Variants in PTPRD observed in about 807,000 individuals in gnomAD.
PTPRD encodes protein tyrosine phosphatase receptor type D.
In PTPRD, 34 loss-of-function variants were observed where a neutral mutation model predicts 214.5. That is an observed-to-expected ratio of 0.16 (90% CI 0.12 to 0.21). The LOEUF is 0.21. Among genes scored for constraint, PTPRD ranks in the 10% least tolerant of loss-of-function variants. The pLI, the probability that PTPRD is intolerant of heterozygous loss-of-function variation, is 1.00. For synonymous variants in PTPRD, 1,128 were observed against 845.7 expected (o/e 1.33, Z -5.79); for missense variants, 2,545 against 2,398.7 (o/e 1.06, Z -1.27).
chr9:9,108,924 AT>A (rs1388896321), intron 10 of PTPRD, among the ~76,000 whole-genome samples: 1 of 152,152 alleles, frequency 6.6e-6, no homozygotes, highest in African/African-American at 2.4e-5. Context: ...ATTAACTGGC[AT>A]TTCCACTTAG....
intron 2 of PTPRD, among the ~76,000 whole-genome samples, chr9:10,528,268 C>A (rs1243196291): frequency 6.6e-6 from 1 of 152,138 alleles, no homozygotes; most frequent in Non-Finnish European, 1.5e-5. Flanking sequence ...CAAGTTCTAC[C>A]ACAGACCTGC....
chr9:10,162,137 T>C (rs2099130997), intron 3 of PTPRD, among the ~76,000 whole-genome samples: 1 of 151,600 alleles, frequency 6.6e-6, no homozygotes, highest in Admixed American at 6.6e-5. Flanking sequence ...GTATGAAGGT[T>C]CCTCAATAAA....
chr9:9,431,518 T>G (rs147155246), intron 8 of PTPRD, among the ~76,000 whole-genome samples: 2,124 of 152,188 alleles, frequency 0.014, 22 homozygotes, highest in Non-Finnish European at 0.022. Context: ...GATCTACAAC[T>G]AGAAATACCA....
At chr9:9,934,889 G>C (rs767676276) in intron 5 of PTPRD, among the ~76,000 whole-genome samples, 1 of 152,054 alleles carries the variant, frequency 6.6e-6, no homozygotes, top group Non-Finnish European at 1.5e-5. Flanking sequence ...TGATCAAGAG[G>C]GCTTCATCCC....
chr9:8,648,275 G>C (rs541083644), intron 12 of PTPRD, among the ~76,000 whole-genome samples: 1 of 152,188 alleles, frequency 6.6e-6, no homozygotes, highest in Non-Finnish European at 1.5e-5. Flanking sequence ...ACAGTCATGG[G>C]ATATTATGAC....
intron 2 of PTPRD, among the ~76,000 whole-genome samples, chr9:10,409,390 A>G (rs141599316): frequency 1.1e-4 from 17 of 151,872 alleles, no homozygotes; most frequent in African/African-American, 2.7e-4. Context: ...TTAATCCTTC[A>G]TATTATGGTC....
chr9:9,167,467 A>T (rs1261018627), intron 10 of PTPRD, among the ~76,000 whole-genome samples: 1 of 151,996 alleles, frequency 6.6e-6, no homozygotes, highest in African/African-American at 2.4e-5. Context: ...TTAAAAAAAT[A>T]AGGAGGGCTG....
At chr9:8,656,548 T>C (rs185163105) in intron 12 of PTPRD, among the ~76,000 whole-genome samples, 65 of 152,292 alleles carry the variant, frequency 4.3e-4, no homozygotes, top group Non-Finnish European at 3.1e-4. Flanking sequence ...CACACTGGCA[T>C]GGTCAAATAC....
intron 11 of PTPRD, among the ~76,000 whole-genome samples, chr9:8,948,590 C>A (rs1395841150): frequency 2.7e-5 from 3 of 112,666 alleles, no homozygotes; most frequent in African/African-American, 1.0e-4. Flanking sequence ...CACACACACA[C>A]AATGAAACGA....
intron 9 of PTPRD, among the ~76,000 whole-genome samples, chr9:9,188,836 GT>G (rs1366270885): frequency 1.3e-5 from 2 of 148,658 alleles, no homozygotes; most frequent in Non-Finnish European, 3.0e-5. Context: ...GTGTGTGTGT[GT>G]GTGTGTTGTG....
chr9:10,041,144 A>C (rs978998690), intron 3 of PTPRD, among the ~76,000 whole-genome samples: 8 of 152,080 alleles, frequency 5.3e-5, no homozygotes, highest in African/African-American at 1.9e-4. Flanking sequence ...ATTATGCAGT[A>C]GTGAAAGAAA....
intron 5 of PTPRD, among the ~76,000 whole-genome samples, chr9:9,935,397 T>C (rs1300060939): frequency 6.6e-6 from 1 of 152,218 alleles, no homozygotes; most frequent in East Asian, 1.9e-4. Flanking sequence ...ACAAAATCAA[T>C]GTACAAAAAT....
At chr9:10,282,358 C>G (rs1228604928) in intron 3 of PTPRD, among the ~76,000 whole-genome samples, 3 of 152,088 alleles carry the variant, frequency 2.0e-5, no homozygotes. Flanking sequence ...TGGACTATGA[C>G]TAAAATAGGT....
At chr9:9,298,583 T>G (rs80265066) in intron 9 of PTPRD, among the ~76,000 whole-genome samples, 2,809 of 151,812 alleles carry the variant, frequency 0.019, 82 homozygotes, top group African/African-American at 0.063. Flanking sequence ...GAACTTGAAG[T>G]GTTTTGCAAT....
At chr9:8,370,453 G>A (rs941944104) in intron 39 of PTPRD, among the ~76,000 whole-genome samples, 1 of 151,984 alleles carries the variant, frequency 6.6e-6, no homozygotes, top group Admixed American at 6.6e-5. Context: ...CTCCCTGTGC[G>A]GAATGCTCTT....
At chr9:8,771,624 T>C (rs779612938) in intron 11 of PTPRD, among the ~76,000 whole-genome samples, 11 of 152,238 alleles carry the variant, frequency 7.2e-5, no homozygotes, top group Non-Finnish European at 1.6e-4. Flanking sequence ...AGGTATTGGA[T>C]GTTTGTTTTA....
Position 8,465,629 on chromosome 9 carries a change from C to G in PTPRD, c.3551G>C (p.Arg1184Thr). 6.2e-7 allele frequency: 1 copy of G among 1,612,346 alleles called. No individual in the cohort carries two copies. The highest frequency in any genetic ancestry group is 8.5e-7 in the Non-Finnish European group (1 of 1,178,884). Residue 1184 changes from arginine (R) to threonine (T), a missense_variant, in exon 32 of 46, where the codon AGA becomes ACA. Transcript: ENST00000381196. Reference sequence around the variant, plus strand: ...AATATATGGCTTTAATTCAACTTCTCTCCCATAACGGATGCTTCTGCGCTT... The same window carrying G: ...AATATATGGCTTTAATTCAACTTCTGTCCCATAACGGATGCTTCTGCGCTT... ...SRKRRSIRYGREVELKPYIAA... is the reference protein window; with the variant it reads ...SRKRRSIRYGTEVELKPYIAA...
At chr9:9,665,681 T>C (rs983625201) in intron 7 of PTPRD, among the ~76,000 whole-genome samples, 7 of 151,804 alleles carry the variant, frequency 4.6e-5, no homozygotes, top group African/African-American at 1.4e-4. Flanking sequence ...ATACTCAGAA[T>C]AGTTCTATTT....
intron 9 of PTPRD, among the ~76,000 whole-genome samples, chr9:9,248,416 A>C (rs74406954): frequency 0.019 from 2,835 of 152,158 alleles, 56 homozygotes; most frequent in Non-Finnish European, 0.024. Context: ...TTTTAACATC[A>C]AAGTTGCATT....
Sources: allele counts gnomAD v4.1 joint callset (sites outside exome capture counted in the v4.1 genomes callset), GRCh38; gene constraint gnomAD v4.1.1; transcripts MANE v1.5; gene names NCBI Gene and HGNC (gene_info 2026-07-23, HGNC 2026-07-21).